DYNC1H1: variants seen among roughly 807,000 people sequenced by gnomAD.
DYNC1H1 encodes cytoplasmic dynein 1 heavy chain 1.
A neutral mutation model predicts 527.1 loss-of-function variants in DYNC1H1; 51 were observed. That is an observed-to-expected ratio of 0.10 (90% confidence interval 0.08 to 0.12). DYNC1H1 has a LOEUF of 0.12. Among genes scored for constraint, DYNC1H1 ranks in the 10% least tolerant of loss-of-function variants. The pLI, the probability that DYNC1H1 is intolerant of heterozygous loss-of-function variation, is 1.00. For missense variants in DYNC1H1, 2,771 were observed against 5,971.8 expected, an observed-to-expected ratio of 0.46 and a Z score of 17.66; for synonymous variants, 2,189 against 2,278.8, an observed-to-expected ratio of 0.96 and a Z score of 1.12.
chr14:101,984,423 GTGTGTGTGTATA>G (rs1171769184), intron 7 of DYNC1H1, among the ~76,000 whole-genome samples: 1 of 123,610 alleles, frequency 8.1e-6, no homozygotes, highest in Non-Finnish European at 1.6e-5. Context: ...GTGTGTGTGT[GTGTGTGTGTATA>G]TATATATATA....
At position 102,016,760 on chromosome 14, in the gene DYNC1H1, G is replaced by T. The variant is rs199509691; in HGVS notation, c.7615-6G>T. On this transcript the variant is annotated splice_region_variant and splice_polypyrimidine_tract_variant and intron_variant, in intron 37 of 77. Transcript: ENST00000360184. This position sits in a 1 kb window ranked among gnomAD's most constrained non-coding sequence, Gnocchi z 7.3. ...GCCGGACTCACACTTCCATCTCCGT[G>T]TGTAGGTGTCCATCAGCGGAGAATG... 1 of 1,613,224 alleles carries T rather than the reference G, an allele frequency of 6.2e-7. No individual in the cohort carries two copies. The highest frequency in any genetic ancestry group is 8.5e-7 in the Non-Finnish European group (1 of 1,179,748).
At chr14:101,998,720 C>G in intron 16 of DYNC1H1, among the ~76,000 whole-genome samples, 1 of 152,056 alleles carries the variant, frequency 6.6e-6, no homozygotes, top group East Asian at 1.9e-4. Flanking sequence ...ATTTGATGGT[C>G]TCTGCTTTTG....
Position 102,017,326 on chromosome 14 carries a change from C to T in DYNC1H1, c.8055+32C>T. On this transcript the variant is annotated intron_variant, in intron 39 of 77. Transcript: ENST00000360184. The surrounding 1 kb of genome is among the most constrained non-coding windows in gnomAD (Gnocchi z 4.6). ...TTCTATCCACAAGGCCCTTCCTGCC[C>T]CACAATGTTTCTTGTTCAAGTTTTG... is the stretch of plus-strand genomic sequence containing the variant. 1 of 1,614,218 alleles carries T rather than the reference C, an allele frequency of 6.2e-7. No homozygotes were observed. Among genetic ancestry groups the T allele is most frequent in the Non-Finnish European group, 8.5e-7 (1 of 1,180,052 alleles).
intron 4 of DYNC1H1, 61 bp from the exon 5 acceptor site, chr14:101,980,303 C>T (rs999434043): frequency 8.2e-6 from 13 of 1,584,120 alleles, no homozygotes; most frequent in African/African-American, 5.4e-5. Flanking sequence ...GTTTTGTTAA[C>T]GATATCTATT....
chr14:102,010,174 G>A lies in DYNC1H1; in HGVS notation c.6221+88G>A. The stretch of plus-strand genomic sequence containing the variant: ...CTTAAAATTTTTATATGTAATGATG[G>A]TACGTCTTTCAAAATATCCATCTCT... On this transcript the variant is annotated intron_variant, in intron 30 of 77. Coordinates refer to ENST00000360184, the MANE Select transcript of DYNC1H1 (RefSeq NM_001376.5). The surrounding 1 kb of genome is among the most constrained non-coding windows in gnomAD (Gnocchi z 6.0). The A allele has an allele frequency of 2.5e-6, 4 of 1,611,954 alleles. No individual in the cohort carries two copies. Among genetic ancestry groups the A allele is most frequent in the Non-Finnish European group, 3.4e-6 (4 of 1,179,012 alleles).
intron 1 of DYNC1H1, among the ~76,000 whole-genome samples, chr14:101,967,707 G>T (rs146751449): frequency 7.9e-4 from 120 of 152,282 alleles, no homozygotes; most frequent in African/African-American, 2.7e-3. Flanking sequence ...AGGCATGGTG[G>T]TGTATGCCAG....
chr14:102,050,365 C>G, intron 77 of DYNC1H1, 70 bp from the exon 78 acceptor site: 2 of 1,612,960 alleles, frequency 1.2e-6, no homozygotes, highest in Non-Finnish European at 8.5e-7. Flanking sequence ...GCCCCATCAG[C>G]TGTCCCGGGC....
Position 102,049,959 on chromosome 14 carries a change from T to C in DYNC1H1, c.13684+77T>C. ...CCTGAGACCATTGTTCCCAGATACA[T>C]GCACTTAGGGTGACCGGCTGGCAGT... On this transcript the variant is annotated intron_variant, in intron 76 of 77. Coordinates refer to ENST00000360184, the MANE Select transcript of DYNC1H1 (RefSeq NM_001376.5). The surrounding 1 kb of genome is among the most constrained non-coding windows in gnomAD (Gnocchi z 5.5). The C allele has an allele frequency of 1.3e-6, 2 of 1,494,386 alleles. No homozygotes were observed. Among genetic ancestry groups the C allele is most frequent in the South Asian group, 1.1e-5 (1 of 87,074 alleles). 92.6% of individuals were successfully genotyped at this position (1,494,386 alleles called of 1,614,324 possible). A position where few individuals can be genotyped will look rare whatever the true frequency, so the allele number is the denominator to read the frequency against.
In DYNC1H1 at chr14:101,997,321, G is replaced by A; in HGVS notation, c.3804+47G>A. The A allele has an allele frequency of 1.2e-6, 2 of 1,613,176 alleles. No homozygotes were observed. The highest frequency in any genetic ancestry group is 1.7e-6 in the Non-Finnish European group (2 of 1,179,800). On this transcript the variant is annotated intron_variant, in intron 16 of 77. Coordinates refer to ENST00000360184, the MANE Select transcript of DYNC1H1 (RefSeq NM_001376.5). The surrounding 1 kb of genome is among the most constrained non-coding windows in gnomAD (Gnocchi z 4.8). ...CGCAGGAGACTCCTCACCCAGCAGT[G>A]TGATTTGGTGACTTTCTTTCAAGCC...
rs764990505 is a variant in DYNC1H1, at chr14:102,044,519, C to T, written c.12902+28C>T. On this transcript the variant is annotated intron_variant, in intron 71 of 77. Coordinates refer to ENST00000360184, the MANE Select transcript of DYNC1H1 (RefSeq NM_001376.5). This position sits in a 1 kb window ranked among gnomAD's most constrained non-coding sequence, Gnocchi z 7.1. ...ATGCTGCTGCCTGCTGGAATGGAGA[C>T]AGTTGTGATGTCAGGGCGTCTGGTG... 6.2e-6 allele frequency: 10 copies of T among 1,614,126 alleles called. No individual in the cohort carries two copies. In the South Asian group the frequency reaches 6.6e-5, roughly 11 times the overall value.
In DYNC1H1 at chr14:101,995,610, CA is replaced by C. The variant is rs1298603384; in HGVS notation, c.3564+327del. ...TGGGCAACAGAGTGAGACTCCGTCT[CA>C]AAAAAAAAAAAAAAAATTACACTAG... On this transcript the variant is annotated intron_variant, in intron 15 of 77. Coordinates refer to ENST00000360184, the MANE Select transcript of DYNC1H1 (RefSeq NM_001376.5). Among the ~76,000 whole-genome samples, 2,979 of 85,036 alleles carry C rather than the reference CA, an allele frequency of 0.035. 36 individuals are homozygous for C. The highest frequency in any genetic ancestry group is 0.075 in the Admixed American group (612 of 8,188). 55.8% of individuals were successfully genotyped at this position (85,036 alleles called of 152,430 possible). A position where few individuals can be genotyped will look rare whatever the true frequency, so the allele number is the denominator to read the frequency against.
At position 101,986,895 on chromosome 14, in the gene DYNC1H1, G is replaced by GGGA. The variant is rs2047944006; in HGVS notation, c.2538+139_2538+141dup. ...CAGCATACGGCCATGTGAGCTGCAA[G>GGGA]GGAGGAGGACCCTTTGTACTCACCG... On this transcript the variant is annotated intron_variant, in intron 8 of 77. Transcript: ENST00000360184. The surrounding 1 kb of genome is among the most constrained non-coding windows in gnomAD (Gnocchi z 8.7). 10 of 1,130,430 alleles carry GGGA rather than the reference G, an allele frequency of 8.8e-6. No individual in the cohort carries two copies. In the South Asian group the frequency reaches 1.3e-4, roughly 14 times the overall value. 70.0% of individuals were successfully genotyped at this position (1,130,430 alleles called of 1,614,324 possible). A position where few individuals can be genotyped will look rare whatever the true frequency, so the allele number is the denominator to read the frequency against.
At position 101,983,078 on chromosome 14, in the gene DYNC1H1, C is replaced by G; in HGVS notation, c.1021C>G (p.Leu341Val). Residue 341 changes from leucine to valine, a missense_variant, in exon 6 of 78, where the codon CTG becomes GTG. By Grantham distance (32) the Leu-to-Val change is conservative. This residue lies in a region of DYNC1H1 where 264 missense variants were observed against 619.4 expected (regional missense o/e 0.43). Coordinates refer to ENST00000360184, the MANE Select transcript of DYNC1H1 (RefSeq NM_001376.5). This position sits in a 1 kb window ranked among gnomAD's most constrained non-coding sequence, Gnocchi z 5.3. The part of the protein sequence containing the change: ...DYNPLMKDFP[L>V]NDLLSATELD... Reference sequence around the variant, plus strand: ...CAATCCTCTGATGAAAGATTTCCCTCTGAATGATTTGCTGTCTGCCACGGA... The same window carrying G: ...CAATCCTCTGATGAAAGATTTCCCTGTGAATGATTTGCTGTCTGCCACGGA... The G allele has an allele frequency of 6.2e-7, 1 of 1,614,212 alleles. No homozygotes were observed. Among genetic ancestry groups the G allele is most frequent in the South Asian group, 1.1e-5 (1 of 91,088 alleles).
chr14:102,008,094 A>G, intron 28 of DYNC1H1, 84 bp from the exon 29 acceptor site: 1 of 1,593,258 alleles, frequency 6.3e-7, no homozygotes, highest in East Asian at 2.2e-5. Context: ...TAGGGCATCA[A>G]CATACTGATT....
Position 102,048,563 on chromosome 14 carries a change from G to C in DYNC1H1, c.13266G>C (p.Lys4422Asn), listed in dbSNP as rs1291353621. 2 of 1,614,242 alleles carry C rather than the reference G, an allele frequency of 1.2e-6. No individual in the cohort carries two copies. Among genetic ancestry groups the C allele is most frequent in the Admixed American group, 3.3e-5 (2 of 60,028 alleles). The stretch of plus-strand genomic sequence containing the variant: ...AGAGAGAAGTGAAGATGGGCGCAAA[G>C]CTGCTTCAGGACGTTCGCCAGGACC... ...FFEREVKMGA[K>N]LLQDVRQDLA... The change falls in exon 74 of 78, where the codon AAG becomes AAC. Residue 4422 changes from lysine to asparagine, a missense_variant. Coordinates refer to ENST00000360184, the MANE Select transcript of DYNC1H1 (RefSeq NM_001376.5).
At chr14:102,024,137 T>C (rs1321817742) in intron 43 of DYNC1H1, among the ~76,000 whole-genome samples, 1 of 152,206 alleles carries the variant, frequency 6.6e-6, no homozygotes, top group Non-Finnish European at 1.5e-5. Flanking sequence ...GTGAAAGAAA[T>C]CTTTGCTTCA....
rs564626207 is a variant in DYNC1H1 at position 102,036,131 on chromosome 14, G to A, written c.10755-358G>A. 2 of 285,778 alleles carry A rather than the reference G, an allele frequency of 7.0e-6. No individual in the cohort carries two copies. Among genetic ancestry groups the A allele is most frequent in the African/African-American group, 2.2e-5 (1 of 45,870 alleles). The allele number at this position is 285,778 out of a possible 1,614,324, so 17.7% of individuals were successfully genotyped here. On this transcript the variant is annotated intron_variant, in intron 56 of 77. Coordinates refer to ENST00000360184, the MANE Select transcript of DYNC1H1 (RefSeq NM_001376.5). This position sits in a 1 kb window ranked among gnomAD's most constrained non-coding sequence, Gnocchi z 5.6. The stretch of plus-strand genomic sequence containing the variant: ...TATAATGTTAATCCCTTGCTGCTGC[G>A]ACATCATTGATGTTGATACGTGCTG...
At chr14:101,977,985 C>G (rs2047820934) in intron 2 of DYNC1H1, among the ~76,000 whole-genome samples, 1 of 152,238 alleles carries the variant, frequency 6.6e-6, no homozygotes, top group Non-Finnish European at 1.5e-5. Context: ...CTCCCAGGCT[C>G]AAGCGATCCT....
At position 102,044,710 on chromosome 14, in the gene DYNC1H1, G is replaced by A. The variant is rs757756908; in HGVS notation, c.13006+12G>A. ...CCTTACCACACAGGGTAGGCAACAA[G>A]GATCCTCCCCACACGCAGGGTGGGT... On this transcript the variant is annotated intron_variant, in intron 72 of 77. Transcript: ENST00000360184. This position sits in a 1 kb window ranked among gnomAD's most constrained non-coding sequence, Gnocchi z 7.1. The A allele has an allele frequency of 6.2e-7, 1 of 1,613,250 alleles. No homozygotes were observed. The highest frequency in any genetic ancestry group is 1.1e-5 in the South Asian group (1 of 91,040).
Sources: gnomAD v4.1 joint callset for allele counts (sites outside exome capture counted in the v4.1 genomes callset) on GRCh38, gnomAD v4.1.1 for gene constraint, gnomAD v4.1.1 regional missense constraint, Gnocchi (gnomAD v3.1) non-coding constraint, MANE v1.5 for transcripts, NCBI Gene and HGNC (gene_info 2026-07-23, HGNC 2026-07-21) for gene names.